The following SPPL3 variants were observed in gnomAD, a reference collection of about 807,000 sequenced individuals.
SPPL3 encodes the protein signal peptide peptidase like 3, also known as signal peptide peptidase-like 3.
A neutral mutation model predicts 42.4 loss-of-function variants in SPPL3; 5 were observed. The ratio of observed to expected loss-of-function variants is 0.12; its 90% confidence interval spans 0.06 to 0.25. The LOEUF (loss-of-function observed/expected upper bound fraction) is 0.25, where lower values mean the gene tolerates loss of function less well. Among genes scored for constraint, SPPL3 ranks in the 10% least tolerant of loss-of-function variants. The probability of loss-of-function intolerance (pLI) is 1.00; values close to 1 mark genes in which losing one functional copy is unlikely to be tolerated. For synonymous variants in SPPL3, 195 were observed against 181.8 expected (o/e 1.07, Z -0.58); for missense variants, 235 against 489.0 (o/e 0.48, Z 4.90).
Position 120,904,116 on chromosome 12 carries a change from C to G in SPPL3, c.-249G>C, listed in dbSNP as rs903068281. On this transcript the variant is annotated 5_prime_UTR_variant, in exon 1 of 11. Transcript: ENST00000353487. ...CGGCCTCCCTCACCCGCGGCGGCGG[C>G]GGCGGCTCCGCTGCAGCTCCAAACC... The G allele has an allele frequency of 2.0e-5, 6 of 306,510 alleles. No homozygotes were observed. Among genetic ancestry groups the G allele is most frequent in the Non-Finnish European group, 3.0e-5 (5 of 168,362 alleles). 19.0% of individuals were successfully genotyped at this position (306,510 alleles called of 1,614,324 possible). A position where few individuals can be genotyped will look rare whatever the true frequency, so the allele number is the denominator to read the frequency against.
chr12:120,892,359 A>G (rs1029553714), intron 1 of SPPL3, among the ~76,000 whole-genome samples: 3 of 152,184 alleles, frequency 2.0e-5, no homozygotes, highest in Non-Finnish European at 4.4e-5. Flanking sequence ...AGGAACAGAT[A>G]AAGAGCTGTA....
intron 1 of SPPL3, among the ~76,000 whole-genome samples, chr12:120,835,044 A>T (rs1393412831): frequency 6.6e-6 from 1 of 152,190 alleles, no homozygotes; most frequent in South Asian, 2.1e-4. Flanking sequence ...AAACTCTTCT[A>T]TGTTAATCAC....
chr12:120,768,765 CT>C lies in SPPL3; in HGVS notation c.609+187del, dbSNP rs554904889. ...CCTAGGAGTCACACACACACACTAC[CT>C]ACTGTACGACTTTTCAGCAAACAAA... On this transcript the variant is annotated intron_variant, in intron 7 of 10. Transcript: ENST00000353487. 25 of 636,654 alleles carry C rather than the reference CT, an allele frequency of 3.9e-5. 1 individual carries two copies. In the South Asian group the frequency reaches 4.7e-4, roughly 12 times the overall value. The allele number at this position is 636,654 out of a possible 1,614,324, so 39.4% of individuals were successfully genotyped here. A position where few individuals can be genotyped will look rare whatever the true frequency, so the allele number is the denominator to read the frequency against.
chr12:120,891,403 C>G (rs1873636793), intron 1 of SPPL3, among the ~76,000 whole-genome samples: 1 of 151,918 alleles, frequency 6.6e-6, no homozygotes, highest in African/African-American at 2.4e-5. Flanking sequence ...TTAAAATAAG[C>G]ACACATCAGG....
intron 1 of SPPL3, among the ~76,000 whole-genome samples, chr12:120,814,475 T>C (rs1455684527): frequency 3.9e-5 from 6 of 152,228 alleles, no homozygotes; most frequent in Non-Finnish European, 8.8e-5. Flanking sequence ...TCATGTATCA[T>C]GTATTAGGAA....
chr12:120,904,083 T>C lies in SPPL3; in HGVS notation c.-216A>G, dbSNP rs1415882329. The C allele has an allele frequency of 3.7e-5, 12 of 324,342 alleles. No homozygotes were observed. Among genetic ancestry groups the C allele is most frequent in the Non-Finnish European group, 6.6e-5 (12 of 181,388 alleles). 20.1% of individuals were successfully genotyped at this position (324,342 alleles called of 1,614,324 possible). A position where few individuals can be genotyped will look rare whatever the true frequency, so the allele number is the denominator to read the frequency against. ...CCCTGGGCCCCGGGGCGGGGCGGGC[T>C]CCGCTCTCGGCCTCCCTCACCCGCG... On this transcript the variant is annotated 5_prime_UTR_variant, in exon 1 of 11. Transcript: ENST00000353487.
intron 3 of SPPL3, among the ~76,000 whole-genome samples, chr12:120,790,972 G>A (rs1288540454): frequency 2.0e-5 from 3 of 152,064 alleles, no homozygotes; most frequent in African/African-American, 7.2e-5. Context: ...AGAGGCATGC[G>A]CCACCACACC....
At chr12:120,899,803 G>A (rs935964992) in intron 1 of SPPL3, among the ~76,000 whole-genome samples, 3 of 140,122 alleles carry the variant, frequency 2.1e-5, no homozygotes, top group African/African-American at 2.6e-5. Context: ...TGAGGCACAA[G>A]AATCGCTTGA....
chr12:120,778,231 C>G (rs776753330), intron 6 of SPPL3, among the ~76,000 whole-genome samples: 25 of 147,700 alleles, frequency 1.7e-4, no homozygotes, highest in Non-Finnish European at 3.6e-4. Flanking sequence ...ATTCTCCTGT[C>G]TCACCATTCT....
At chr12:120,772,638 GT>G (rs1869165158) in intron 6 of SPPL3, among the ~76,000 whole-genome samples, 1 of 152,156 alleles carries the variant, frequency 6.6e-6, no homozygotes, top group Non-Finnish European at 1.5e-5. Context: ...GTGGTAAATT[GT>G]CAATATATGT....
intron 6 of SPPL3, among the ~76,000 whole-genome samples, chr12:120,774,587 G>A (rs1869245834): frequency 6.6e-6 from 1 of 152,064 alleles, no homozygotes; most frequent in African/African-American, 2.4e-5. Context: ...GTATGAAGAG[G>A]CAGAAGGCAT....
intron 1 of SPPL3, among the ~76,000 whole-genome samples, chr12:120,890,809 C>T (rs1231398435): frequency 2.0e-5 from 3 of 151,942 alleles, no homozygotes; most frequent in East Asian, 3.9e-4. Context: ...AAACACGGAG[C>T]GAAAAGTCAA....
Position 120,895,750 on chromosome 12 carries a change from C to G in SPPL3, c.23+8095G>C, listed in dbSNP as rs540120898. Reference sequence around the variant, plus strand: ...TTTTATGTGCATTATCTCACTAAATCCTCACAACGACCCTGTGGAGTACAA... The same window carrying G: ...TTTTATGTGCATTATCTCACTAAATGCTCACAACGACCCTGTGGAGTACAA... On this transcript the variant is annotated intron_variant, in intron 1 of 10. Coordinates refer to ENST00000353487, the MANE Select transcript of SPPL3 (RefSeq NM_139015.5). Among the ~76,000 whole-genome samples the G allele has an allele frequency of 3.9e-3, 588 of 152,094 alleles. 6 individuals carry two copies. The highest frequency in any genetic ancestry group is 0.015 in the South Asian group (74 of 4,812).
intron 1 of SPPL3, among the ~76,000 whole-genome samples, chr12:120,845,915 T>G (rs1872022777): frequency 6.6e-6 from 1 of 151,922 alleles, no homozygotes; most frequent in Admixed American, 6.6e-5. Context: ...TCTATTTTTT[T>G]GAGGCACAGT....
intron 1 of SPPL3, among the ~76,000 whole-genome samples, chr12:120,877,533 C>T (rs1873142812): frequency 2.6e-5 from 4 of 152,268 alleles, no homozygotes; most frequent in Admixed American, 1.3e-4. Flanking sequence ...GTAATCCCAG[C>T]ACTTTGGGAG....
chr12:120,784,730 G>T, intron 3 of SPPL3, 137 bp from the exon 4 acceptor site: 1 of 567,426 alleles, frequency 1.8e-6, no homozygotes, highest in South Asian at 3.1e-5. Flanking sequence ...CAGGCCCTAT[G>T]AGTCTTTCTT....
chr12:120,792,670 G>A (rs546656946), intron 2 of SPPL3, among the ~76,000 whole-genome samples: 7 of 145,588 alleles, frequency 4.8e-5, no homozygotes, highest in East Asian at 2.0e-4. Flanking sequence ...ACTGCACTCC[G>A]GCCTGGCAAC....
chr12:120,770,916 C>T (rs745604024), intron 6 of SPPL3, among the ~76,000 whole-genome samples: 9 of 152,228 alleles, frequency 5.9e-5, no homozygotes, highest in Non-Finnish European at 1.2e-4. Context: ...CATGTCCAAA[C>T]TCAGCTCTTA....
chr12:120,837,823 C>T (rs577961), intron 1 of SPPL3, among the ~76,000 whole-genome samples: 73,269 of 151,170 alleles, frequency 0.48, 17,853 homozygotes, highest in East Asian at 0.56. Context: ...CTGTTACATA[C>T]ACACACACAC....
Sources: gnomAD v4.1 joint callset for allele counts (sites outside exome capture counted in the v4.1 genomes callset) on GRCh38, gnomAD v4.1.1 for gene constraint, MANE v1.5 for transcripts, NCBI Gene and HGNC (gene_info 2026-07-23, HGNC 2026-07-21) for gene names.